The following STXBP2 variants were observed in gnomAD, a reference collection of about 807,000 sequenced individuals.
STXBP2 encodes syntaxin-binding protein 2.
STXBP2 carries 47 observed loss-of-function variants against 72.2 expected under a neutral mutation model. The ratio of observed to expected loss-of-function variants is 0.65; its 90% CI spans 0.51 to 0.83. STXBP2 has a LOEUF of 0.83. Ranked by LOEUF, STXBP2 falls within the 40% of genes least tolerant of loss-of-function variation. STXBP2 has a pLI of 0.00. For missense variants in STXBP2, 702 were observed against 807.6 expected (o/e 0.87, Z 1.58); for synonymous variants, 367 against 338.7 (o/e 1.08, Z -0.92).
At chr19:7,640,443 TG>T in intron 4 of STXBP2, 1 of 648,296 alleles carries the variant, frequency 1.5e-6, no homozygotes, top group South Asian at 1.6e-5. Flanking sequence ...TGTGTGTGCA[TG>T]TGTGTATGTA....
chr19:7,642,342 A>G lies in STXBP2; in HGVS notation c.794+9A>G. On this transcript the variant is annotated intron_variant, in intron 9 of 18. Coordinates refer to ENST00000221283, the MANE Select transcript of STXBP2 (RefSeq NM_006949.4). The surrounding 1 kb of genome is among the most constrained non-coding windows in gnomAD (Gnocchi z 6.0). ...GAGCAGGACACATACAGGTCTGCAG[A>G]CTTGGAACCCGTCCCCACCCTTGCC... 6.2e-7 allele frequency: 1 copy of G among 1,613,734 alleles called. No homozygotes were observed. The highest frequency in any genetic ancestry group is 8.5e-7 in the Non-Finnish European group (1 of 1,179,652).
the STXBP2 span, chr19:7,629,890 CT>C: frequency 6.6e-7 from 1 of 1,514,510 alleles, no homozygotes; most frequent in African/African-American, 1.4e-5. Context: ...GGTTGGGAGG[CT>C]GGGCAGGGGA....
At chr19:7,638,411 G>T (rs764999205) in intron 1 of STXBP2, among the ~76,000 whole-genome samples, 2 of 152,140 alleles carry the variant, frequency 1.3e-5, no homozygotes, top group Non-Finnish European at 2.9e-5. Context: ...AGACCAGCTT[G>T]GGCAACATAG....
chr19:7,637,657 C>G (rs1397167679), intron 1 of STXBP2, among the ~76,000 whole-genome samples: 1 of 152,148 alleles, frequency 6.6e-6, no homozygotes, highest in Non-Finnish European at 1.5e-5. Flanking sequence ...CCTCCTTGCC[C>G]CATTTCCAGG....
chr19:7,646,837 C>T, intron 16 of STXBP2: 4 of 476,142 alleles, frequency 8.4e-6, no homozygotes, highest in Non-Finnish European at 1.5e-5. Flanking sequence ...ACACTGGGTT[C>T]CCCAAAGGGC....
upstream of STXBP2, chr19:7,636,449 G>A (rs2031536977): frequency 6.6e-6 from 1 of 152,182 alleles, no homozygotes. Flanking sequence ...TGGTCCACGA[G>A]GGTAAGCGTT....
At chr19:7,636,524 C>T (rs1405733751), upstream of STXBP2, 1 of 150,272 alleles carries the variant, frequency 6.7e-6, no homozygotes, top group African/African-American at 2.5e-5. Flanking sequence ...TGGCTTGAAC[C>T]CAGCAGGCTC....
rs1409079677 is a variant in STXBP2, at chr19:7,639,400, G to T, written c.169+300G>T. The T allele has an allele frequency of 1.0e-5, 6 of 581,426 alleles. No individual in the cohort carries two copies. In the Admixed American group the frequency reaches 1.8e-4, roughly 17 times the overall value. The allele number at this position is 581,426 out of a possible 1,614,324, so 36.0% of individuals were successfully genotyped here. A position where few individuals can be genotyped will look rare whatever the true frequency, so the allele number is the denominator to read the frequency against. On this transcript the variant is annotated intron_variant, in intron 3 of 18. Coordinates refer to ENST00000221283, the MANE Select transcript of STXBP2 (RefSeq NM_006949.4). ...TGTGGGACTCCCAGGGTGGACTCTG[G>T]ATGTGGGGTCCCAAGAATGCAGAGC...
At chr19:7,631,300 C>T in the STXBP2 span, 20 of 1,408,992 alleles carry the variant, frequency 1.4e-5, no homozygotes, top group African/African-American at 5.8e-5. Flanking sequence ...AAGAGTGAAG[C>T]GGATCCCACG....
chr19:7,632,865 C>A, upstream of STXBP2: 1 of 1,537,774 alleles, frequency 6.5e-7, no homozygotes, highest in African/African-American at 1.4e-5. This position sits in a 1 kb window ranked among gnomAD's most constrained non-coding sequence, Gnocchi z 5.2. Context: ...GTTGGCCCTT[C>A]AGCTTGGGGG....
At chr19:7,645,738 G>C (rs572556633) in intron 15 of STXBP2, among the ~76,000 whole-genome samples, 3 of 151,918 alleles carry the variant, frequency 2.0e-5, no homozygotes, top group Admixed American at 1.3e-4. Context: ...GTCTCTCTCT[G>C]GCCCTGTGCG....
chr19:7,637,963 G>A (rs747659946), intron 1 of STXBP2, among the ~76,000 whole-genome samples: 11 of 152,248 alleles, frequency 7.2e-5, no homozygotes, highest in African/African-American at 1.2e-4. Flanking sequence ...TGAGACCGGA[G>A]GTCAGTGGGA....
At chr19:7,640,412 G>GTC (rs2031801384) in intron 4 of STXBP2, 6 of 574,526 alleles carry the variant, frequency 1.0e-5, no homozygotes, top group Non-Finnish European at 1.2e-5. Context: ...ATGTGTGTAT[G>GTC]TATGTGTGCG....
intron 7 of STXBP2, 41 bp downstream of exon 7, chr19:7,641,894 CTT>C: frequency 3.2e-6 from 5 of 1,580,774 alleles, no homozygotes; most frequent in East Asian, 2.4e-5. Context: ...CCGACCCCCC[CTT>C]AACCGCGTGC....
Position 7,642,548 on chromosome 19 carries a change from C to G in STXBP2, c.902+12C>G, listed in dbSNP as rs1473496130. The stretch of plus-strand genomic sequence containing the variant: ...GCAGATGTGTCCAAGTGCGTGCACA[C>G]GGGGACCGGATCCCCCCCCCACCGC... On this transcript the variant is annotated intron_variant, in intron 10 of 18. Coordinates refer to ENST00000221283, the MANE Select transcript of STXBP2 (RefSeq NM_006949.4). This position sits in a 1 kb window ranked among gnomAD's most constrained non-coding sequence, Gnocchi z 6.0. The G allele has an allele frequency of 1.2e-6, 2 of 1,612,186 alleles. No homozygotes were observed. Among genetic ancestry groups the G allele is most frequent in the East Asian group, 4.5e-5 (2 of 44,852 alleles).
chr19:7,631,411 G>GCCGCCCCCCC, the STXBP2 span: 1 of 886,146 alleles, frequency 1.1e-6, no homozygotes, highest in Non-Finnish European at 1.7e-6. Flanking sequence ...GGGGGGGGTG[G>GCCGCCCCCCC]TCCCGGCTCT....
chr19:7,640,867 CTGGCCTGA>C lies in STXBP2; in HGVS notation c.326-30_326-23del, dbSNP rs765482362. The C allele has an allele frequency of 5.3e-5, 86 of 1,613,522 alleles. No homozygotes were observed. Among genetic ancestry groups the C allele is most frequent in the Non-Finnish European group, 1.0e-5 (12 of 1,179,536 alleles). The stretch of plus-strand genomic sequence containing the variant: ...GGGGCAAGGAGGTGTGGGGGCTGCT[CTGGCCTGA>C]TGCCCCACTCCTGCCTCACCCCAGC... On this transcript the variant is annotated intron_variant, in intron 5 of 18. Transcript: ENST00000221283.
upstream of STXBP2, chr19:7,633,448 G>A: frequency 6.3e-7 from 1 of 1,576,978 alleles, no homozygotes; most frequent in Non-Finnish European, 8.6e-7. Context: ...TTCTCCTCCT[G>A]ATCCATCATG....
chr19:7,642,277 G>T lies in STXBP2; in HGVS notation c.738G>T (p.Glu246Asp). 1.2e-6 allele frequency: 2 copies of T among 1,614,138 alleles called. No homozygotes were observed. Among genetic ancestry groups the T allele is most frequent in the South Asian group, 2.2e-5 (2 of 91,088 alleles). Residue 246 changes from glutamate to aspartate, a missense_variant, in exon 9 of 19, where the codon GAG becomes GAT. Physicochemically the swap from Glu to Asp is conservative, Grantham distance 45. Transcript: ENST00000221283. This position sits in a 1 kb window ranked among gnomAD's most constrained non-coding sequence, Gnocchi z 6.0. ...AADPVSPLLH[E>D]LTFQAMAYDL... is the part of the protein sequence containing the mutation. Reference sequence around the variant, plus strand: ...ACCCCGTGTCCCCACTACTGCATGAGCTCACGTTCCAGGCCATGGCGTATG... The same window carrying T: ...ACCCCGTGTCCCCACTACTGCATGATCTCACGTTCCAGGCCATGGCGTATG...
Sources: gnomAD v4.1 joint callset for allele counts (sites outside exome capture counted in the v4.1 genomes callset) on GRCh38, gnomAD v4.1.1 for gene constraint, Gnocchi (gnomAD v3.1) non-coding constraint, MANE v1.5 for transcripts, NCBI Gene and HGNC (gene_info 2026-07-23, HGNC 2026-07-21) for gene names.